ADAMTS19: variants seen among roughly 807,000 people sequenced by gnomAD.
The protein encoded by ADAMTS19 is ADAM metallopeptidase with thrombospondin type 1 motif 19, also known as A disintegrin and metalloproteinase with thrombospondin motifs 19.
In ADAMTS19, 93 loss-of-function variants were observed where a neutral mutation model predicts 153.3. That is an observed-to-expected ratio of 0.61 (90% confidence interval 0.51 to 0.72). The LOEUF (loss-of-function observed/expected upper bound fraction) is 0.72. ADAMTS19 is among the 30% of genes least tolerant of loss of function. The pLI, the probability that ADAMTS19 is intolerant of heterozygous loss-of-function variation, is 0.00. For synonymous variants in ADAMTS19, 600 were observed against 556.6 expected (o/e 1.08, Z -1.10); for missense variants, 1,482 against 1,552.1 (o/e 0.95, Z 0.76).
intron 11 of ADAMTS19, among the ~76,000 whole-genome samples, chr5:129,645,467 T>A (rs977883227): frequency 6.6e-6 from 1 of 152,194 alleles, no homozygotes; most frequent in Non-Finnish European, 1.5e-5. Flanking sequence ...CATCCAGACA[T>A]CTGGTTATCT....
intron 2 of ADAMTS19, among the ~76,000 whole-genome samples, chr5:129,478,985 A>G (rs1750321295): frequency 6.6e-6 from 1 of 152,236 alleles, no homozygotes; most frequent in Non-Finnish European, 1.5e-5. Flanking sequence ...TATGCCATAT[A>G]CATATTGCCA....
At chr5:129,492,217 G>A (rs1435100017) in intron 2 of ADAMTS19, among the ~76,000 whole-genome samples, 6 of 152,102 alleles carry the variant, frequency 3.9e-5, no homozygotes, top group South Asian at 2.1e-4. Context: ...TTAAATGTGC[G>A]GCAGATCTCC....
chr5:129,493,751 G>C (rs1296437638), intron 2 of ADAMTS19, among the ~76,000 whole-genome samples: 2 of 152,070 alleles, frequency 1.3e-5, no homozygotes, highest in African/African-American at 4.8e-5. Context: ...CTTCAATGAA[G>C]AAATCAGTAT....
intron 10 of ADAMTS19, among the ~76,000 whole-genome samples, chr5:129,627,115 T>C (rs1421707082): frequency 6.6e-6 from 1 of 152,062 alleles, no homozygotes; most frequent in Non-Finnish European, 1.5e-5. Flanking sequence ...CCATGATATA[T>C]ATTTGGAAGT....
chr5:129,546,068 G>A (rs1752843218), intron 6 of ADAMTS19, among the ~76,000 whole-genome samples: 2 of 148,524 alleles, frequency 1.3e-5, no homozygotes, highest in South Asian at 2.1e-4. Context: ...AAAAAAGGAT[G>A]AGTTCATGTC....
intron 2 of ADAMTS19, among the ~76,000 whole-genome samples, chr5:129,502,012 G>A (rs1024985695): frequency 2.0e-5 from 3 of 151,982 alleles, no homozygotes; most frequent in African/African-American, 7.2e-5. Context: ...GAAGGGTGGC[G>A]GTGGACTATG....
At chr5:129,501,700 A>AT (rs1048097657) in intron 2 of ADAMTS19, among the ~76,000 whole-genome samples, 1 of 151,724 alleles carries the variant, frequency 6.6e-6, no homozygotes, top group African/African-American at 2.4e-5. Flanking sequence ...AAGCTGACTT[A>AT]TTTTTTTTCA....
intron 7 of ADAMTS19, among the ~76,000 whole-genome samples, chr5:129,586,253 A>G (rs1561586263): frequency 6.6e-6 from 1 of 152,242 alleles, no homozygotes; most frequent in Non-Finnish European, 1.5e-5. Flanking sequence ...AGACAAATGC[A>G]TAATAGTATC....
Position 129,735,063 on chromosome 5 carries a change from C to T in ADAMTS19, c.3444C>T (p.Pro1148=), listed in dbSNP as rs781711231. 4 of 1,605,606 alleles carry T rather than the reference C, an allele frequency of 2.5e-6. No individual in the cohort carries two copies. Among genetic ancestry groups the T allele is most frequent in the Non-Finnish European group, 3.4e-6 (4 of 1,176,900 alleles). ...PAAYRPCHLQ[P]CNEKINVNTI... ...CATACAGGCCATGCCATCTTCAACCCTGCAATGAGAAAATTAATGTAAATA... is the reference window on the plus strand; with the variant it reads ...CATACAGGCCATGCCATCTTCAACCTTGCAATGAGAAAATTAATGTAAATA... Residue 1148 remains proline (P), a synonymous_variant, in exon 22 of 23, where the codon CCC becomes CCT. Coordinates refer to ENST00000274487, the MANE Select transcript of ADAMTS19 (RefSeq NM_133638.6).
chr5:129,723,341 T>A (rs535614209), intron 21 of ADAMTS19, among the ~76,000 whole-genome samples: 4 of 152,306 alleles, frequency 2.6e-5, no homozygotes, highest in African/African-American at 9.6e-5. Context: ...TTACCTGGCA[T>A]AAGAATGGCA....
At chr5:129,558,659 T>C (rs987242469) in intron 7 of ADAMTS19, among the ~76,000 whole-genome samples, 2 of 152,044 alleles carry the variant, frequency 1.3e-5, no homozygotes, top group Admixed American at 1.3e-4. Flanking sequence ...TCTAGATGTA[T>C]AGAGGAACAT....
chr5:129,578,075 CACACATAT>C, intron 7 of ADAMTS19, among the ~76,000 whole-genome samples: 1 of 128,896 alleles, frequency 7.8e-6, no homozygotes, highest in African/African-American at 2.6e-5. Flanking sequence ...CACACACACA[CACACATAT>C]ATACATATAC....
At chr5:129,534,071 GTTGAC>G (rs1452380293) in intron 6 of ADAMTS19, among the ~76,000 whole-genome samples, 1 of 152,142 alleles carries the variant, frequency 6.6e-6, no homozygotes, top group East Asian at 1.9e-4. Context: ...TGTATATTCT[GTTGAC>G]TTGGGGTGGA....
chr5:129,596,646 C>T lies in ADAMTS19; in HGVS notation c.1460C>T (p.Ala487Val), dbSNP rs1483089782. 1 of 1,604,686 alleles carries T rather than the reference C, an allele frequency of 6.2e-7. No homozygotes were observed. The highest frequency in any genetic ancestry group is 8.5e-7 in the Non-Finnish European group (1 of 1,175,706). ...DNGLNLAFTI[A>V]HEMGHNMGIN... Reference sequence around the variant, plus strand: ...GGCTTGAATCTTGCTTTTACAATTGCTCATGAAATGGGTCACAAGTAAGTA... The same window carrying T: ...GGCTTGAATCTTGCTTTTACAATTGTTCATGAAATGGGTCACAAGTAAGTA... The change falls in exon 8 of 23, where the codon GCT becomes GTT. Residue 487 changes from alanine (A) to valine (V), a missense_variant. Ala to Val is a moderately conservative substitution (Grantham distance 64). This residue lies in a region of ADAMTS19 where 866 missense variants were observed against 827.7 expected (regional missense o/e 1.05). Transcript: ENST00000274487.
rs368130748 is a variant in ADAMTS19 at position 129,733,942 on chromosome 5, T to C, written c.3313-990T>C. On this transcript the variant is annotated intron_variant, in intron 21 of 22. Transcript: ENST00000274487. ...CAGATAACTGGATAAAGCAAGTGTG[T>C]GCGTGTGTGTGTGTGTGTGTGTGTG... 1.7e-4 allele frequency among the ~76,000 whole-genome samples: 16 copies of C among 93,980 alleles called. No individual in the cohort carries two copies. The East Asian group carries it at 4.3e-3, about 25-fold the overall frequency. 61.7% of individuals were successfully genotyped at this position (93,980 alleles called of 152,430 possible).
intron 6 of ADAMTS19, among the ~76,000 whole-genome samples, chr5:129,538,380 A>G (rs1752535009): frequency 2.0e-5 from 3 of 152,102 alleles, no homozygotes; most frequent in Admixed American, 1.3e-4. Context: ...CACCAACAAA[A>G]TATATTGTGG....
intron 7 of ADAMTS19, among the ~76,000 whole-genome samples, chr5:129,567,037 A>C (rs1019117551): frequency 3.3e-5 from 5 of 152,102 alleles, no homozygotes; most frequent in Admixed American, 2.0e-4. Flanking sequence ...AGGGCTTAGG[A>C]AAGTGACCTC....
At position 129,628,542 on chromosome 5, in the gene ADAMTS19, G is replaced by T. The variant is rs1400893377; in HGVS notation, c.1770+6194G>T. On this transcript the variant is annotated intron_variant, in intron 10 of 22. Transcript: ENST00000274487. ...GACGGTTGATATTTTTTCCCAAAGG[G>T]TTTGACACATCATTATTTGAAGCTA... Among the ~76,000 whole-genome samples the T allele has an allele frequency of 2.0e-5, 3 of 152,126 alleles. No homozygotes were observed. In the East Asian group the frequency reaches 5.8e-4, roughly 29 times the overall value.
intron 7 of ADAMTS19, among the ~76,000 whole-genome samples, chr5:129,576,073 G>A (rs1160396555): frequency 6.6e-6 from 1 of 151,584 alleles, no homozygotes. Flanking sequence ...GGTGGGTCTC[G>A]GTGGTGTAGT....
Sources: gnomAD v4.1 joint callset for allele counts (sites outside exome capture counted in the v4.1 genomes callset) on GRCh38, gnomAD v4.1.1 for gene constraint, gnomAD v4.1.1 regional missense constraint, MANE v1.5 for transcripts, NCBI Gene and HGNC (gene_info 2026-07-23, HGNC 2026-07-21) for gene names.